DPY19L3: variants seen among roughly 807,000 people sequenced by gnomAD.
DPY19L3 encodes the protein protein C-mannosyl-transferase DPY19L3.
In DPY19L3, 51 loss-of-function variants were observed where a neutral mutation model predicts 92.3. That is an observed-to-expected ratio of 0.55 (90% CI 0.44 to 0.70). The LOEUF (loss-of-function observed/expected upper bound fraction) is 0.70. Among genes scored for constraint, DPY19L3 ranks in the 30% least tolerant of loss-of-function variants. The pLI is 0.00. For missense variants in DPY19L3, 706 were observed against 855.9 expected (o/e 0.82, Z 2.18); for synonymous variants, 309 against 315.2 (o/e 0.98, Z 0.21).
At chr19:32,431,450 G>A (rs762487169) in intron 3 of DPY19L3, among the ~76,000 whole-genome samples, 3 of 150,804 alleles carry the variant, frequency 2.0e-5, no homozygotes, top group Admixed American at 6.6e-5. Flanking sequence ...GTTTTGTTTT[G>A]TTTTTAACAC....
chr19:32,468,897 G>A (rs1970272953), intron 16 of DPY19L3, 84 bp downstream of exon 16: 1 of 1,339,252 alleles, frequency 7.5e-7, no homozygotes, highest in Non-Finnish European at 1.0e-6. Flanking sequence ...GGGGTTTTTT[G>A]TTTGTTTCTG....
At position 32,482,091 on chromosome 19, in the gene DPY19L3, C is replaced by G. The variant is rs1404364277; in HGVS notation, c.2002C>G (p.Pro668Ala). 1.9e-6 allele frequency: 3 copies of G among 1,613,276 alleles called. No individual in the cohort carries two copies. Among genetic ancestry groups the G allele is most frequent in the African/African-American group, 2.7e-5 (2 of 74,782 alleles). ...DIANGHMMDG[P>A]GENDPDLKPA... ...GTTTTGGTTTTAGATGATGGATGGC[C>G]CAGGAGAGAATGATCCTGATTTGAA... The change falls in exon 19 of 19, where the codon CCA (proline) becomes GCA (alanine). Residue 668 changes from proline (P) to alanine (A), a missense_variant. Pro to Ala is a conservative substitution (Grantham distance 27, BLOSUM62 -1). Coordinates refer to ENST00000392250, the MANE Select transcript of DPY19L3 (RefSeq NM_001172774.2).
chr19:32,418,612 G>T (rs1030519816), intron 3 of DPY19L3, among the ~76,000 whole-genome samples: 2 of 152,156 alleles, frequency 1.3e-5, no homozygotes, highest in Non-Finnish European at 2.9e-5. Flanking sequence ...CATTTTTGGA[G>T]TGTATATTCC....
rs779858796 is a variant in DPY19L3, at chr19:32,455,057, G to T, written c.1089+17G>T. 3.5e-6 allele frequency: 5 copies of T among 1,414,972 alleles called. No homozygotes were observed. Among genetic ancestry groups the T allele is most frequent in the Non-Finnish European group, 4.8e-6 (5 of 1,040,046 alleles). The allele number at this position is 1,414,972 out of a possible 1,614,324, so 87.7% of individuals were successfully genotyped here. On this transcript the variant is annotated intron_variant, in intron 10 of 18. Transcript: ENST00000392250. ...ATAATTAAGGTAAGTTAATAAAAAT[G>T]ACATGTTTAATGTATTTTTAATTAA... is the stretch of plus-strand genomic sequence containing the variant.
At chr19:32,477,410 G>C in intron 16 of DPY19L3, 112 bp from the exon 17 acceptor site, 3 of 1,389,724 alleles carry the variant, frequency 2.2e-6, no homozygotes, top group Non-Finnish European at 3.0e-6. Flanking sequence ...TCCCTGACTC[G>C]TAACACTTGG....
intron 10 of DPY19L3, among the ~76,000 whole-genome samples, chr19:32,456,909 G>A (rs1215907148): frequency 6.6e-6 from 1 of 152,068 alleles, no homozygotes; most frequent in Non-Finnish European, 1.5e-5. Context: ...GCCTGTAATC[G>A]CAGCATTTTG....
At chr19:32,430,053 C>A (rs1364855013) in intron 3 of DPY19L3, among the ~76,000 whole-genome samples, 1 of 152,154 alleles carries the variant, frequency 6.6e-6, no homozygotes, top group African/African-American at 2.4e-5. Context: ...AAAGCTGTAT[C>A]ATTATGTAGT....
At chr19:32,452,360 G>A (rs1007848808) in intron 8 of DPY19L3, among the ~76,000 whole-genome samples, 54 of 152,216 alleles carry the variant, frequency 3.5e-4, no homozygotes, top group African/African-American at 1.3e-3. Flanking sequence ...AGGTCATGCA[G>A]CAGGAGGGGT....
chr19:32,421,805 T>C (rs1394532711), intron 3 of DPY19L3, among the ~76,000 whole-genome samples: 4 of 151,882 alleles, frequency 2.6e-5, no homozygotes, highest in Non-Finnish European at 4.4e-5. Context: ...TTGGATCCAC[T>C]CTGCTATGAA....
chr19:32,469,757 G>C (rs2145616491), intron 16 of DPY19L3, among the ~76,000 whole-genome samples: 1 of 152,254 alleles, frequency 6.6e-6, no homozygotes, highest in Middle Eastern at 3.4e-3. Flanking sequence ...TTCAGCATCA[G>C]AATGAAATTT....
intron 15 of DPY19L3, chr19:32,467,542 G>GA: frequency 1.0e-6 from 1 of 987,580 alleles, no homozygotes; most frequent in South Asian, 4.7e-5. Flanking sequence ...CAGGAGACAA[G>GA]ATTTGAATGA....
intron 3 of DPY19L3, among the ~76,000 whole-genome samples, chr19:32,424,111 G>GTTCAAGAC (rs1968674114): frequency 6.6e-6 from 1 of 152,156 alleles, no homozygotes; most frequent in African/African-American, 2.4e-5. Flanking sequence ...GAGCCCAGAA[G>GTTCAAGAC]TTCAAGACCA....
In DPY19L3 at chr19:32,485,849, T is replaced by G. The variant is rs8109111; in HGVS notation, c.*3609T>G. Reference sequence around the variant, plus strand: ...GCTTTTATAATTTGTTTTACTGAATTGTATGGAGATTGTATACCAAGTAAA... The same window carrying G: ...GCTTTTATAATTTGTTTTACTGAATGGTATGGAGATTGTATACCAAGTAAA... On this transcript the variant is annotated 3_prime_UTR_variant, in exon 19 of 19. Coordinates refer to ENST00000392250, the MANE Select transcript of DPY19L3 (RefSeq NM_001172774.2). 139 of 152,356 alleles carry G rather than the reference T, an allele frequency of 9.1e-4. No homozygotes were observed. The highest frequency in any genetic ancestry group is 3.0e-3 in the African/African-American group (125 of 41,584). 9.4% of individuals were successfully genotyped at this position (152,356 alleles called of 1,614,324 possible). A position where few individuals can be genotyped will look rare whatever the true frequency, so the allele number is the denominator to read the frequency against.
intron 11 of DPY19L3, 86 bp downstream of exon 11, chr19:32,458,259 C>A (rs766540375): frequency 1.3e-6 from 2 of 1,575,958 alleles, no homozygotes; most frequent in Admixed American, 1.8e-5. Context: ...GTGCCTTCAA[C>A]TATTAATTGC....
Position 32,462,802 on chromosome 19 carries a change from C to T in DPY19L3, c.1323-564C>T, listed in dbSNP as rs1547437. Among the ~76,000 whole-genome samples the T allele has an allele frequency of 0.012, 1,813 of 152,204 alleles. 123 individuals are homozygous for T. The South Asian group carries it at 0.16, about 14-fold the overall frequency. On this transcript the variant is annotated intron_variant, in intron 12 of 18. Transcript: ENST00000392250. ...ATTGATGCAAACAGGGAAAATAGAACATGAACTAGGTATTAGATGATGTTA... is the reference window on the plus strand; with the variant it reads ...ATTGATGCAAACAGGGAAAATAGAATATGAACTAGGTATTAGATGATGTTA...
intron 8 of DPY19L3, among the ~76,000 whole-genome samples, chr19:32,450,892 G>A (rs776642048): frequency 2.6e-5 from 4 of 152,106 alleles, no homozygotes; most frequent in Non-Finnish European, 5.9e-5. Context: ...CTGCTAAGAA[G>A]GAAAAACTCT....
chr19:32,411,541 A>G (rs1191464011), intron 3 of DPY19L3, 169 bp downstream of exon 3: 2 of 496,620 alleles, frequency 4.0e-6, no homozygotes, highest in East Asian at 3.4e-5. Flanking sequence ...AAAATAACAT[A>G]TTAGAATCTT....
chr19:32,475,402 C>A (rs1970476434), intron 16 of DPY19L3, among the ~76,000 whole-genome samples: 2 of 152,206 alleles, frequency 1.3e-5, no homozygotes, highest in African/African-American at 4.8e-5. Context: ...TCATCATGTT[C>A]TCTCTGCATC....
At chr19:32,446,595 A>C (rs1969506489) in intron 8 of DPY19L3, among the ~76,000 whole-genome samples, 1 of 152,242 alleles carries the variant, frequency 6.6e-6, no homozygotes, top group Non-Finnish European at 1.5e-5. Context: ...TAGATATCAG[A>C]GCAAAGAAAA....
Sources: gnomAD v4.1 joint callset for allele counts (sites outside exome capture counted in the v4.1 genomes callset) on GRCh38, gnomAD v4.1.1 for gene constraint, MANE v1.5 for transcripts, NCBI Gene and HGNC (gene_info 2026-07-23, HGNC 2026-07-21) for gene names.